ZNF584: variants seen among roughly 807,000 people sequenced by gnomAD.
ZNF584 encodes the protein zinc finger protein 584.
A neutral mutation model predicts 14.7 loss-of-function variants in ZNF584; 12 were observed. The ratio of observed to expected loss-of-function variants is 0.82; its 90% CI spans 0.52 to 1.32. The LOEUF is 1.32. Among genes scored for constraint, ZNF584 ranks in the 40% most tolerant of loss-of-function variants. The pLI, the probability that ZNF584 is intolerant of heterozygous loss-of-function variation, is 0.00. For synonymous variants in ZNF584, 204 were observed against 190.9 expected (o/e 1.07, Z -0.57); for missense variants, 478 against 518.8 (o/e 0.92, Z 0.76).
At chr19:58,407,242 G>A (rs915697211), upstream of ZNF584, 1 of 152,354 alleles carries the variant, frequency 6.6e-6, no homozygotes, top group East Asian at 1.9e-4. Flanking sequence ...ATGAGTTTTT[G>A]AGAGTCCAGG....
At chr19:58,404,121 C>CTTTATGA (rs1215179715), upstream of ZNF584, 3 of 152,508 alleles carry the variant, frequency 2.0e-5, no homozygotes, top group East Asian at 5.8e-4. Flanking sequence ...CTCCCACTGG[C>CTTTATGA]TTTATGACTC....
intron 1 of ZNF584, among the ~76,000 whole-genome samples, chr19:58,402,690 C>T (rs2052439139): frequency 6.6e-6 from 1 of 151,952 alleles, no homozygotes; most frequent in Admixed American, 6.6e-5. Context: ...GGCGTGGTGG[C>T]ACATGCCTGT....
chr19:58,417,812 T>G lies in ZNF584; in HGVS notation c.*28T>G, dbSNP rs748395297. The G allele has an allele frequency of 6.4e-7, 1 of 1,567,378 alleles. No individual in the cohort carries two copies. Among genetic ancestry groups the G allele is most frequent in the Non-Finnish European group, 8.6e-7 (1 of 1,157,774 alleles). ...CCGTGTTCATCAGGAAAGGTCTTAT[T>G]CCAGAAAGGAGGTTAAGGAGAGTGG... On this transcript the variant is annotated 3_prime_UTR_variant, in exon 4 of 4. Transcript: ENST00000306910.
rs1156543028 is a variant in ZNF584 at position 58,410,518 on chromosome 19, AATATATATATAT to A, written c.169+456_169+467del. Among the ~76,000 whole-genome samples, 122 of 77,172 alleles carry A rather than the reference AATATATATATAT, an allele frequency of 1.6e-3. 6 individuals carry two copies. Among genetic ancestry groups the A allele is most frequent in the Admixed American group, 3.2e-3 (15 of 4,694 alleles). The allele number at this position is 77,172 out of a possible 152,430, so 50.6% of individuals were successfully genotyped here. ...GAATTTTAATCAGAACGGTTTGGGA[AATATATATATAT>A]ATATATATATATATATATATATATA... On this transcript the variant is annotated intron_variant, in intron 2 of 3. Transcript: ENST00000306910.
chr19:58,404,803 G>T (rs528419423), upstream of ZNF584: 41 of 177,338 alleles, frequency 2.3e-4, no homozygotes, highest in Non-Finnish European at 4.1e-4. Context: ...TTTCCCAGTA[G>T]GGGCGGCCGG....
chr19:58,415,532 C>T lies in ZNF584; in HGVS notation c.178C>T (p.Pro60Ser). The change falls in exon 3 of 4, where the codon CCT (proline) becomes TCT (serine). Residue 60 changes from proline (P) to serine (S), a missense_variant. Around this residue, in one of 3 missense-constraint regions of ZNF584, gnomAD observed 189 missense variants for 177.9 expected, o/e 1.06. Transcript: ENST00000306910. ...FALVSSLGLA[P>S]SRSPVFTQLE... ...CTACCTGTCACCCGCAGGACTTGCA[C>T]CTTCGAGATCCCCTGTGTTTACCCA... 1.2e-6 allele frequency: 2 copies of T among 1,612,738 alleles called. No individual in the cohort carries two copies. Among genetic ancestry groups the T allele is most frequent in the Non-Finnish European group, 1.7e-6 (2 of 1,178,942 alleles).
upstream of ZNF584, chr19:58,404,762 T>C (rs539661164): frequency 8.4e-3 from 1,716 of 204,424 alleles, 27 homozygotes; most frequent in African/African-American, 0.038. Flanking sequence ...ACCTCCCAGA[T>C]GGGGTGGTGG....
At chr19:58,410,541 AT>A (rs1718004967) in intron 2 of ZNF584, among the ~76,000 whole-genome samples, 4 of 43,796 alleles carry the variant, frequency 9.1e-5, no homozygotes, top group East Asian at 5.4e-4. Context: ...ATATATATAT[AT>A]ATATATATAT....
At chr19:58,411,274 T>A (rs1156502217) in intron 2 of ZNF584, among the ~76,000 whole-genome samples, 6 of 151,796 alleles carry the variant, frequency 4.0e-5, no homozygotes, top group Non-Finnish European at 8.8e-5. Context: ...TGCCTGTAAT[T>A]TCAGCATTTT....
chr19:58,411,977 GT>G (rs869258960), intron 2 of ZNF584, among the ~76,000 whole-genome samples: 3,342 of 88,768 alleles, frequency 0.038, 130 homozygotes, highest in African/African-American at 0.14. Context: ...TATAATACTT[GT>G]TTTTTTTTTT....
Position 58,417,672 on chromosome 19 carries a change from C to T in ZNF584, c.1154C>T (p.Thr385Ile), listed in dbSNP as rs1314228032. Residue 385 changes from threonine to isoleucine, a missense_variant, in exon 4 of 4, where the codon ACA becomes ATA. Coordinates refer to ENST00000306910, the MANE Select transcript of ZNF584 (RefSeq NM_173548.3). The part of the protein sequence containing the change: ...FHTEERSYEC[T>I]ECGKAFKHSS... ...ACTGAAGAGAGGTCTTATGAATGTA[C>T]AGAGTGTGGGAAGGCCTTCAAACAT... is the stretch of plus-strand genomic sequence containing the variant. 6.2e-7 allele frequency: 1 copy of T among 1,613,830 alleles called. No homozygotes were observed. The highest frequency in any genetic ancestry group is 1.7e-5 in the Admixed American group (1 of 59,986).
intron 2 of ZNF584, among the ~76,000 whole-genome samples, chr19:58,411,063 T>C (rs889529892): frequency 1.3e-5 from 2 of 151,742 alleles, no homozygotes; most frequent in Admixed American, 6.6e-5. Context: ...GTGCTGGGAT[T>C]ACAGGCGTGA....
chr19:58,409,860 C>T, intron 1 of ZNF584, 81 bp from the exon 2 acceptor site: 1 of 1,556,780 alleles, frequency 6.4e-7, no homozygotes, highest in African/African-American at 1.4e-5. Context: ...GTGATAGGAC[C>T]CTGAGATACA....
At position 58,417,271 on chromosome 19, in the gene ZNF584, C is replaced by T. The variant is rs1372121513; in HGVS notation, c.753C>T (p.Phe251=). 38 of 1,614,120 alleles carry T rather than the reference C, an allele frequency of 2.4e-5. No individual in the cohort carries two copies. Among genetic ancestry groups the T allele is most frequent in the East Asian group, 1.3e-4 (6 of 44,884 alleles). The change falls in exon 4 of 4, where the codon TTC becomes TTT. Residue 251 remains phenylalanine (F), a synonymous_variant. Coordinates refer to ENST00000306910, the MANE Select transcript of ZNF584 (RefSeq NM_173548.3). ...AGTGTAGTGACTGTGGTAAAACCTT[C>T]AACCGCAAAGACGCACTTGTTCTAC... is the stretch of plus-strand genomic sequence containing the variant. The part of the protein sequence containing the change: ...PFKCSDCGKT[F]NRKDALVLHQ...
intron 2 of ZNF584, among the ~76,000 whole-genome samples, chr19:58,412,319 C>T (rs1341150623): frequency 6.6e-6 from 1 of 150,434 alleles, no homozygotes. Context: ...ACGCCATTCT[C>T]CTGCCTCAGC....
rs112568965 is a variant in ZNF584, at chr19:58,416,890, T to C, written c.372T>C (p.Thr124=). The part of the protein sequence containing the change: ...KSYRVIQHQD[T]HSEGKPRRHT... ...ACAGAGTCATCCAGCACCAGGACAC[T>C]CATAGTGAGGGGAAACCAAGAAGGC... The change falls in exon 4 of 4, where the codon ACT becomes ACC. Residue 124 remains threonine, a synonymous_variant. Transcript: ENST00000306910. 368 of 1,610,954 alleles carry C rather than the reference T, an allele frequency of 2.3e-4. 1 individual carries two copies. The highest frequency in any genetic ancestry group is 1.4e-3 in the Admixed American group (85 of 59,774).
At position 58,410,539 on chromosome 19, in the gene ZNF584, A is replaced by AATTTTTTTTTTTTTTTTTTTTTTTT; in HGVS notation, c.169+448_169+449insATTTTTTTTTTTTTTTTTTTTTTTT. On this transcript the variant is annotated intron_variant, in intron 2 of 3. Coordinates refer to ENST00000306910, the MANE Select transcript of ZNF584 (RefSeq NM_173548.3). Reference sequence around the variant, plus strand: ...GGGAAATATATATATATATATATATATATATATATATATATATATGTGTAT... The same window carrying AATTTTTTTTTTTTTTTTTTTTTTTT: ...GGGAAATATATATATATATATATATAATTTTTTTTTTTTTTTTTTTTTTTTTATATATATATATATATATGTGTAT... Among the ~76,000 whole-genome samples, 77 of 38,692 alleles carry AATTTTTTTTTTTTTTTTTTTTTTTT rather than the reference A, an allele frequency of 2.0e-3. 13 individuals are homozygous for AATTTTTTTTTTTTTTTTTTTTTTTT. Among genetic ancestry groups the AATTTTTTTTTTTTTTTTTTTTTTTT allele is most frequent in the African/African-American group, 2.4e-3 (19 of 7,918 alleles). The allele number at this position is 38,692 out of a possible 152,430, so 25.4% of individuals were successfully genotyped here. A position where few individuals can be genotyped will look rare whatever the true frequency, so the allele number is the denominator to read the frequency against.
intron 2 of ZNF584, among the ~76,000 whole-genome samples, chr19:58,413,862 A>G (rs918017619): frequency 6.6e-6 from 1 of 151,344 alleles, no homozygotes; most frequent in African/African-American, 2.4e-5. Context: ...TCTGTCACCC[A>G]GGCTGGAGTG....
chr19:58,415,961 C>T (rs1217871364), intron 3 of ZNF584: 17 of 1,593,428 alleles, frequency 1.1e-5, no homozygotes, highest in Non-Finnish European at 1.4e-5. Context: ...TTCAGCCAAT[C>T]CTTAATTAAT....
Sources: gnomAD v4.1 joint callset for allele counts (sites outside exome capture counted in the v4.1 genomes callset) on GRCh38, gnomAD v4.1.1 for gene constraint, gnomAD v4.1.1 regional missense constraint, MANE v1.5 for transcripts, NCBI Gene and HGNC (gene_info 2026-07-23, HGNC 2026-07-21) for gene names.